The following EPS15L1 variants were observed in gnomAD, a reference collection of about 807,000 sequenced individuals.
EPS15L1 encodes epidermal growth factor receptor pathway substrate 15 like 1, also known as epidermal growth factor receptor substrate 15-like 1.
In EPS15L1, 43 loss-of-function variants were observed where a neutral mutation model predicts 117.1. That is an observed-to-expected ratio of 0.37 (90% CI 0.29 to 0.47). The LOEUF (loss-of-function observed/expected upper bound fraction) is 0.47, where lower values mean the gene tolerates loss of function less well. Among genes scored for constraint, EPS15L1 ranks in the 20% least tolerant of loss-of-function variants. The probability of loss-of-function intolerance (pLI) is 0.99; values close to 1 mark genes in which losing one functional copy is unlikely to be tolerated. For missense variants in EPS15L1, 981 were observed against 1,164.0 expected (o/e 0.84, Z 2.29); for synonymous variants, 459 against 470.5 (o/e 0.98, Z 0.32).
chr19:16,416,352 G>A (rs1394228420), intron 12 of EPS15L1, among the ~76,000 whole-genome samples: 1 of 152,100 alleles, frequency 6.6e-6, no homozygotes, highest in Admixed American at 6.5e-5. Flanking sequence ...GAAAAAAGAT[G>A]CTGGCTGGCA....
intron 1 of EPS15L1, among the ~76,000 whole-genome samples, chr19:16,450,550 G>A (rs571437396): frequency 1.8e-3 from 266 of 144,252 alleles, no homozygotes; most frequent in African/African-American, 6.4e-3. Context: ...GTGCGATCTC[G>A]GCTCACTGCA....
intron 16 of EPS15L1, among the ~76,000 whole-genome samples, chr19:16,399,411 T>C (rs1367509657): frequency 6.6e-6 from 1 of 152,124 alleles, no homozygotes; most frequent in Non-Finnish European, 1.5e-5. Context: ...AGAGATGTAA[T>C]ATCTTGAACA....
At chr19:16,461,175 G>A (rs1009691568) in intron 1 of EPS15L1, among the ~76,000 whole-genome samples, 7 of 151,856 alleles carry the variant, frequency 4.6e-5, no homozygotes, top group Non-Finnish European at 1.0e-4. Flanking sequence ...GTGGTGGCAG[G>A]CGCCTGTAGT....
At chr19:16,380,567 G>C (rs1280692712) in intron 21 of EPS15L1, among the ~76,000 whole-genome samples, 2 of 152,074 alleles carry the variant, frequency 1.3e-5, no homozygotes, top group African/African-American at 2.4e-5. Context: ...GCCATCTAAG[G>C]CTCCAGGGTC....
At chr19:16,442,320 T>C in intron 1 of EPS15L1, 101 bp from the exon 2 acceptor site, 1 of 826,314 alleles carries the variant, frequency 1.2e-6, no homozygotes, top group Non-Finnish European at 2.0e-6. Context: ...TATATGATGA[T>C]AGTTAGAGTC....
chr19:16,456,593 G>A (rs1403291495), intron 1 of EPS15L1, among the ~76,000 whole-genome samples: 2 of 152,064 alleles, frequency 1.3e-5, no homozygotes, highest in Non-Finnish European at 2.9e-5. Context: ...GGAGGCTAGA[G>A]GTTGCAGTGA....
intron 8 of EPS15L1, among the ~76,000 whole-genome samples, chr19:16,427,194 G>C (rs116050387): frequency 0.014 from 2,122 of 152,266 alleles, 49 homozygotes; most frequent in African/African-American, 0.048. Context: ...GGAGGCCAAG[G>C]GGGGAGGTCG....
intron 22 of EPS15L1, among the ~76,000 whole-genome samples, chr19:16,362,834 T>G (rs540938393): frequency 6.6e-6 from 1 of 152,234 alleles, no homozygotes; most frequent in African/African-American, 2.4e-5. Context: ...AGCCCCCACT[T>G]CTGTCCCTCT....
At chr19:16,429,738 G>A (rs1470022260) in intron 7 of EPS15L1, among the ~76,000 whole-genome samples, 1 of 152,114 alleles carries the variant, frequency 6.6e-6, no homozygotes, top group Non-Finnish European at 1.5e-5. Flanking sequence ...ACGGTAGCAG[G>A]TCCCTGCACC....
chr19:16,436,020 G>A (rs529376301), intron 6 of EPS15L1, among the ~76,000 whole-genome samples: 5 of 152,298 alleles, frequency 3.3e-5, no homozygotes, highest in African/African-American at 1.2e-4. Flanking sequence ...GGGTGACAGG[G>A]AGAAACCCTT....
intron 13 of EPS15L1, 98 bp downstream of exon 13, chr19:16,413,675 C>A (rs1483670898): frequency 4.9e-6 from 5 of 1,027,846 alleles, no homozygotes; most frequent in Admixed American, 3.6e-5. Context: ...CCATCCAGGG[C>A]AGACCCCTGC....
At chr19:16,377,025 C>T in intron 22 of EPS15L1, 97 bp downstream of exon 22, 1 of 1,433,744 alleles carries the variant, frequency 7.0e-7, no homozygotes. Flanking sequence ...GGTCCCACGG[C>T]ATCTGCTGCT....
chr19:16,443,127 C>T (rs527850043), intron 1 of EPS15L1, among the ~76,000 whole-genome samples: 3 of 152,254 alleles, frequency 2.0e-5, no homozygotes, highest in East Asian at 1.9e-4. Flanking sequence ...ACAAACCTGC[C>T]GCTGATGTAA....
chr19:16,403,898 C>T lies in EPS15L1; in HGVS notation c.1461G>A (p.Gln487=). ...CTTCCTGGGACTTTAAGTCAGATTCCTGAGATTGGATTTGCGTTTTCAGTG... is the reference window on the plus strand; with the variant it reads ...CTTCCTGGGACTTTAAGTCAGATTCTTGAGATTGGATTTGCGTTTTCAGTG... ...ISSLKTQIQS[Q]ESDLKSQEDD... Residue 487 remains glutamine (Q), a synonymous_variant, in exon 15 of 24, where the codon CAG becomes CAA. Transcript: ENST00000455140. 1.2e-6 allele frequency: 2 copies of T among 1,614,080 alleles called. No individual in the cohort carries two copies. Among genetic ancestry groups the T allele is most frequent in the Non-Finnish European group, 1.7e-6 (2 of 1,179,998 alleles).
chr19:16,442,498 G>T (rs1173899406), intron 1 of EPS15L1, among the ~76,000 whole-genome samples: 1 of 152,218 alleles, frequency 6.6e-6, no homozygotes, highest in Non-Finnish European at 1.5e-5. Context: ...CAGCAGCCCA[G>T]TGTCAATTTC....
At chr19:16,389,729 A>C (rs1015349299) in intron 19 of EPS15L1, among the ~76,000 whole-genome samples, 10 of 152,350 alleles carry the variant, frequency 6.6e-5, no homozygotes, top group Admixed American at 6.5e-4. Flanking sequence ...CGGCTATAAC[A>C]TAAGACATGC....
rs200742367 is a variant in EPS15L1, at chr19:16,377,239, G to T, written c.2263C>A (p.Pro755Thr). The part of the protein sequence containing the change: ...SQMSKPPPSG[P>T]FTSSLGGAGF... ...GCCCCTCCCAAGGAGGAGGTGAAAG[G>T]GCCAGAAGGTGGGGGCTGTAAGAGA... The change falls in exon 22 of 24, where the codon CCT (proline) becomes ACT (threonine). Residue 755 changes from proline (P) to threonine (T), a missense_variant. Pro to Thr is a conservative substitution (Grantham distance 38). Transcript: ENST00000455140. 27 of 1,611,372 alleles carry T rather than the reference G, an allele frequency of 1.7e-5. No individual in the cohort carries two copies. The highest frequency in any genetic ancestry group is 2.2e-5 in the Non-Finnish European group (26 of 1,179,214).
At chr19:16,367,535 C>T (rs1186855714) in intron 22 of EPS15L1, among the ~76,000 whole-genome samples, 16 of 135,336 alleles carry the variant, frequency 1.2e-4, no homozygotes, top group African/African-American at 4.4e-4. Flanking sequence ...AACTTGGTGG[C>T]CGGCTCCACC....
At chr19:16,450,085 C>T (rs375532945) in intron 1 of EPS15L1, among the ~76,000 whole-genome samples, 28 of 123,204 alleles carry the variant, frequency 2.3e-4, no homozygotes, top group African/African-American at 8.1e-4. Flanking sequence ...CCTATCTCTA[C>T]AAAAAAAAAA....
Sources: allele counts gnomAD v4.1 joint callset (sites outside exome capture counted in the v4.1 genomes callset), GRCh38; gene constraint gnomAD v4.1.1; transcripts MANE v1.5; gene names NCBI Gene and HGNC (gene_info 2026-07-23, HGNC 2026-07-21).